Variants in C8orf74 observed in about 807,000 individuals in gnomAD.
C8orf74 encodes the protein uncharacterized protein C8orf74.
In C8orf74, 29 loss-of-function variants were observed where a neutral mutation model predicts 22.2. The ratio of observed to expected loss-of-function variants is 1.31; its 90% CI spans 0.97 to 1.78. The LOEUF (loss-of-function observed/expected upper bound fraction) is 1.78. Among genes scored for constraint, C8orf74 ranks in the 40% most tolerant of loss-of-function variants. The probability of loss-of-function intolerance (pLI) is 0.00; values close to 1 mark genes in which losing one functional copy is unlikely to be tolerated. For synonymous variants in C8orf74, 255 were observed against 163.1 expected (o/e 1.56, Z -4.30); for missense variants, 515 against 369.9 (o/e 1.39, Z -3.22).
intron 2 of C8orf74, chr8:10,689,435 A>C (rs1354634411): frequency 6.6e-6 from 1 of 152,212 alleles, no homozygotes; most frequent in Non-Finnish European, 1.5e-5. Flanking sequence ...TGCTAAGCTC[A>C]TTTGCATATT....
chr8:10,688,083 T>C (rs987420782), intron 2 of C8orf74, among the ~76,000 whole-genome samples: 1 of 151,908 alleles, frequency 6.6e-6, no homozygotes. Context: ...TGTACACCTG[T>C]AGTTCCACCT....
intron 2 of C8orf74, among the ~76,000 whole-genome samples, chr8:10,680,330 C>G (rs904448876): frequency 6.6e-6 from 1 of 152,242 alleles, no homozygotes; most frequent in Non-Finnish European, 1.5e-5. Context: ...GGGGCAGTAA[C>G]AGTTCCTACT....
At chr8:10,696,312 A>G (rs1299789059) in intron 2 of C8orf74, among the ~76,000 whole-genome samples, 1 of 152,104 alleles carries the variant, frequency 6.6e-6, no homozygotes, top group Non-Finnish European at 1.5e-5. Context: ...CCTCAGAGCC[A>G]ATCCTTTGCA....
intron 2 of C8orf74, chr8:10,693,056 G>A (rs568599319): frequency 2.0e-5 from 3 of 152,324 alleles, no homozygotes; most frequent in Non-Finnish European, 4.4e-5. Flanking sequence ...GCGGTCCTGG[G>A]AGTGGGACCC....
chr8:10,673,130 G>C (rs1364385258), intron 1 of C8orf74, among the ~76,000 whole-genome samples: 3 of 152,108 alleles, frequency 2.0e-5, no homozygotes, highest in Non-Finnish European at 4.4e-5. Context: ...CAGGACTCTA[G>C]GCCTCCCTCT....
At chr8:10,694,917 CGGAT>C (rs1039042153) in intron 2 of C8orf74, among the ~76,000 whole-genome samples, 1 of 150,442 alleles carries the variant, frequency 6.6e-6, no homozygotes, top group Non-Finnish European at 1.5e-5. Context: ...GATGGGTGGA[CGGAT>C]GGATGGATGG....
intron 2 of C8orf74, among the ~76,000 whole-genome samples, chr8:10,694,994 G>A (rs544246625): frequency 6.6e-6 from 1 of 151,868 alleles, no homozygotes; most frequent in South Asian, 2.1e-4. Context: ...ATAAGTGGAA[G>A]GATGATGGAT....
chr8:10,697,632 G>GGAA lies in C8orf74; in HGVS notation c.276_278dup (p.Gly92_Asn93insLys). On this transcript the variant is annotated inframe_insertion, in exon 3 of 4. Coordinates refer to ENST00000304519, the MANE Select transcript of C8orf74 (RefSeq NM_001040032.2). ...ATTACTGAGGCTGTGACGATCCTGG[G>GGAA]GAACAAGCTTAGAGATTACCGGGGC... 2 of 1,613,920 alleles carry GGAA rather than the reference G, an allele frequency of 1.2e-6. No individual in the cohort carries two copies. The highest frequency in any genetic ancestry group is 1.7e-6 in the Non-Finnish European group (2 of 1,179,868).
rs537149271 is a variant in C8orf74, at chr8:10,693,180, C to T, written c.242-4419C>T. 2.6e-5 allele frequency among the ~76,000 whole-genome samples: 4 copies of T among 152,324 alleles called. No individual in the cohort carries two copies. The South Asian group carries it at 8.3e-4, about 32-fold the overall frequency. On this transcript the variant is annotated intron_variant, in intron 2 of 3. Coordinates refer to ENST00000304519, the MANE Select transcript of C8orf74 (RefSeq NM_001040032.2). ...GCCTGCTCACTGCCTTCCTCCCCGA[C>T]CTTTCAGTCCCTCAGTGGGCCATGC... is the stretch of plus-strand genomic sequence containing the variant.
At chr8:10,685,846 G>A (rs1799251821) in intron 2 of C8orf74, among the ~76,000 whole-genome samples, 1 of 152,190 alleles carries the variant, frequency 6.6e-6, no homozygotes, top group Non-Finnish European at 1.5e-5. Context: ...GAGGCAGGTG[G>A]ATCACGAGAT....
chr8:10,685,524 C>T (rs995155371), intron 2 of C8orf74, among the ~76,000 whole-genome samples: 3 of 152,118 alleles, frequency 2.0e-5, no homozygotes, highest in South Asian at 2.1e-4. Context: ...CATTACGTTA[C>T]GTGAAATAAT....
intron 2 of C8orf74, among the ~76,000 whole-genome samples, chr8:10,678,993 C>T (rs1799091647): frequency 6.6e-6 from 1 of 152,202 alleles, no homozygotes; most frequent in Admixed American, 6.5e-5. Flanking sequence ...TCCAGCTGCA[C>T]CTCCTTCCCG....
At chr8:10,691,073 G>C (rs566448175) in intron 2 of C8orf74, 6 of 386,990 alleles carry the variant, frequency 1.6e-5, no homozygotes, top group African/African-American at 1.2e-4. Flanking sequence ...AGTGTGGTCC[G>C]AGGCCAAGAA....
rs1335623447 is a variant in C8orf74, at chr8:10,699,694, C to G, written c.649-541C>G. On this transcript the variant is annotated intron_variant, in intron 3 of 3. Transcript: ENST00000304519. ...TATGGCTGGCTGGGTGGAGGACACA[C>G]CCACTCTCTGAAGCAATTTCCCCTG... Among the ~76,000 whole-genome samples, 4 of 152,154 alleles carry G rather than the reference C, an allele frequency of 2.6e-5. 1 individual carries two copies. The highest frequency in any genetic ancestry group is 9.7e-5 in the African/African-American group (4 of 41,434).
Position 10,697,945 on chromosome 8 carries a change from G to T in C8orf74, c.588G>T (p.Ser196=), listed in dbSNP as rs1441537075. The change falls in exon 3 of 4, where the codon TCG becomes TCT. Residue 196 remains serine, a synonymous_variant. Coordinates refer to ENST00000304519, the MANE Select transcript of C8orf74 (RefSeq NM_001040032.2). Reference sequence around the variant, plus strand: ...CGCTGCGCCTGGAGCGGGAGAACTCGCTGCAGAAGGCGTTCGCTGCCGCCG... The same window carrying T: ...CGCTGCGCCTGGAGCGGGAGAACTCTCTGCAGAAGGCGTTCGCTGCCGCCG... ...KEALRLEREN[S]LQKAFAAAAP... 4.5e-6 allele frequency: 7 copies of T among 1,568,258 alleles called. No individual in the cohort carries two copies. The highest frequency in any genetic ancestry group is 1.3e-5 in the African/African-American group (1 of 74,224).
chr8:10,685,777 T>C (rs1169766020), intron 2 of C8orf74, among the ~76,000 whole-genome samples: 1 of 152,174 alleles, frequency 6.6e-6, no homozygotes, highest in Non-Finnish European at 1.5e-5. Context: ...AACTTAAAAA[T>C]AGTTATAATC....
chr8:10,682,793 G>C (rs1361180474), intron 2 of C8orf74, among the ~76,000 whole-genome samples: 2 of 152,212 alleles, frequency 1.3e-5, no homozygotes, highest in Non-Finnish European at 2.9e-5. Context: ...TCAAGACGGG[G>C]CCATAGAAAC....
At chr8:10,676,934 C>T (rs954852769) in intron 2 of C8orf74, among the ~76,000 whole-genome samples, 2 of 152,212 alleles carry the variant, frequency 1.3e-5, no homozygotes, top group Admixed American at 6.5e-5. Flanking sequence ...CTCCACAGGC[C>T]AAGCCCTTGG....
chr8:10,692,385 A>G (rs1282967744), intron 2 of C8orf74: 1 of 146,234 alleles, frequency 6.8e-6, no homozygotes, highest in Non-Finnish European at 1.5e-5. Flanking sequence ...CCTGCTGGAA[A>G]CCCTTCTGCC....
Sources: allele counts gnomAD v4.1 joint callset (sites outside exome capture counted in the v4.1 genomes callset), GRCh38; gene constraint gnomAD v4.1.1; transcripts MANE v1.5; gene names NCBI Gene and HGNC (gene_info 2026-07-23, HGNC 2026-07-21).